UAP1: variants seen among roughly 807,000 people sequenced by gnomAD.
The protein encoded by UAP1 is UDP-N-acetylhexosamine pyrophosphorylase.
A neutral mutation model predicts 58.5 loss-of-function variants in UAP1; 25 were observed. That is an observed-to-expected ratio of 0.43 (90% CI 0.31 to 0.60). UAP1 has a LOEUF of 0.60. Ranked by LOEUF, UAP1 falls within the 20% of genes least tolerant of loss-of-function variation. The probability of loss-of-function intolerance (pLI) is 0.11; values close to 1 mark genes in which losing one functional copy is unlikely to be tolerated. For missense variants in UAP1, 575 were observed against 630.0 expected, an observed-to-expected ratio of 0.91 and a Z score of 0.93; for synonymous variants, 208 against 213.0, an observed-to-expected ratio of 0.98 and a Z score of 0.21.
At chr1:162,576,919 G>A (rs1455029758) in exon 3 of UAP1, 1 of 1,614,132 alleles carries the variant, frequency 6.2e-7, no homozygotes, top group Non-Finnish European at 8.5e-7. Context: ...TTCAAGCAGA[G>A]CGTATCCTGA....
intron 2 of UAP1, among the ~76,000 whole-genome samples, chr1:162,573,523 A>G (rs1181229102): frequency 1.3e-5 from 2 of 152,234 alleles, no homozygotes; most frequent in Non-Finnish European, 2.9e-5. Flanking sequence ...ATGAGGTACA[A>G]TTAAATGCTA....
At chr1:162,571,254 C>T (rs1218709406) in intron 2 of UAP1, among the ~76,000 whole-genome samples, 3 of 151,810 alleles carry the variant, frequency 2.0e-5, no homozygotes, top group African/African-American at 7.3e-5. Context: ...TCAGCCTCCC[C>T]AGTAGCTGAG....
intron 5 of UAP1, among the ~76,000 whole-genome samples, chr1:162,583,886 TG>T (rs2101799952): frequency 6.6e-6 from 1 of 151,178 alleles, no homozygotes; most frequent in East Asian, 2.0e-4. Context: ...GTGATCTACC[TG>T]CTTTGGCCTC....
intron 10 of UAP1, 128 bp downstream of exon 10, chr1:162,597,986 A>T (rs1388624493): frequency 1.2e-5 from 9 of 770,512 alleles, no homozygotes; most frequent in African/African-American, 1.7e-5. Context: ...AGATATGTTA[A>T]TTGGCTTTAT....
chr1:162,591,098 T>C (rs1412087667), intron 8 of UAP1, among the ~76,000 whole-genome samples: 1 of 152,086 alleles, frequency 6.6e-6, no homozygotes, highest in African/African-American at 2.4e-5. Flanking sequence ...AGCTAATTTT[T>C]ATATTTTTAG....
chr1:162,563,358 T>C (rs974124124), intron 1 of UAP1, among the ~76,000 whole-genome samples: 3 of 145,580 alleles, frequency 2.1e-5, no homozygotes, highest in Non-Finnish European at 3.0e-5. Context: ...TGAGGTACCC[T>C]TTTTTTTTTT....
intron 9 of UAP1, 50 bp from the exon 10 acceptor site, chr1:162,597,742 A>T: frequency 6.6e-7 from 1 of 1,521,062 alleles, no homozygotes; most frequent in South Asian, 1.2e-5. Context: ...TTGCTCTGGC[A>T]AGTAACATGG....
intron 3 of UAP1, among the ~76,000 whole-genome samples, chr1:162,579,182 G>A (rs530868141): frequency 8.7e-4 from 133 of 152,276 alleles, no homozygotes; most frequent in African/African-American, 3.1e-3. Flanking sequence ...CTTGAAGGAG[G>A]TGTGTTTAGT....
chr1:162,581,485 G>A (rs1431459495), intron 5 of UAP1, 26 bp downstream of exon 5: 6 of 1,601,864 alleles, frequency 3.7e-6, no homozygotes, highest in Non-Finnish European at 5.1e-6. Context: ...ACTATGGTGA[G>A]GCTTTTGATG....
chr1:162,569,889 C>T (rs1237285076), intron 2 of UAP1, among the ~76,000 whole-genome samples: 2 of 152,078 alleles, frequency 1.3e-5, no homozygotes, highest in African/African-American at 4.8e-5. Flanking sequence ...GTGGCTCATG[C>T]CTGTAATCCC....
At chr1:162,596,324 C>T (rs759978911) in intron 9 of UAP1, among the ~76,000 whole-genome samples, 6 of 151,146 alleles carry the variant, frequency 4.0e-5, no homozygotes, top group Non-Finnish European at 7.4e-5. Flanking sequence ...TACAGGTACG[C>T]GCCACCACAC....
Position 162,599,313 on chromosome 1 carries a change from C to T in UAP1, c.1519C>T (p.Leu507=), listed in dbSNP as rs781214198. 21 of 1,612,632 alleles carry T rather than the reference C, an allele frequency of 1.3e-5. 1 individual carries two copies. In the South Asian group the frequency reaches 2.2e-4, roughly 17 times the overall value. Residue 507 remains leucine (L), a synonymous_variant, in exon 11 of 11, where the codon CTA becomes TTA. Transcript: ENST00000271469. ...GGCAGATAAAGAATTCCATGCACCT[C>T]TAATCATCGATGAGAATGGAGTTCA...
At chr1:162,568,584 A>G (rs1417394322) in intron 2 of UAP1, among the ~76,000 whole-genome samples, 1 of 152,228 alleles carries the variant, frequency 6.6e-6, no homozygotes, top group African/African-American at 2.4e-5. Flanking sequence ...TTTACTTAGG[A>G]TAGGGCTCTG....
intron 2 of UAP1, 31 bp downstream of exon 2, chr1:162,566,379 G>A (rs752865266): frequency 2.5e-6 from 4 of 1,580,780 alleles, no homozygotes; most frequent in Non-Finnish European, 3.4e-6. Context: ...TCTTACTGAA[G>A]TTTATTTGAG....
exon 6 of UAP1, chr1:162,587,603 G>A (rs1312667317): frequency 6.2e-7 from 1 of 1,614,128 alleles, no homozygotes; most frequent in Admixed American, 1.7e-5. Context: ...ACGGACGACT[G>A]CTGTTCAATG....
chr1:162,576,361 C>T (rs778832567), intron 2 of UAP1, among the ~76,000 whole-genome samples: 5 of 152,086 alleles, frequency 3.3e-5, no homozygotes, highest in Admixed American at 2.0e-4. Context: ...TTATATCTCT[C>T]GGTTCTTACC....
chr1:162,579,556 A>T, exon 4 of UAP1: 2 of 1,606,636 alleles, frequency 1.2e-6, no homozygotes, highest in Non-Finnish European at 1.7e-6. Flanking sequence ...ATGAGTTTTG[A>T]TGGGAAAATT....
intron 2 of UAP1, among the ~76,000 whole-genome samples, chr1:162,568,701 G>C (rs1359585134): frequency 1.3e-5 from 2 of 151,984 alleles, no homozygotes; most frequent in Non-Finnish European, 2.9e-5. Flanking sequence ...TTCTTCCCTG[G>C]GTTTCAAAAA....
chr1:162,592,742 A>G (rs1387166081), exon 9 of UAP1: 7 of 1,549,816 alleles, frequency 4.5e-6, no homozygotes, highest in East Asian at 2.4e-5. Context: ...CAGTGCTACA[A>G]ATGGGAAGTC....
Sources: allele counts gnomAD v4.1 joint callset (sites outside exome capture counted in the v4.1 genomes callset), GRCh38; gene constraint gnomAD v4.1.1; transcripts MANE v1.5; gene names NCBI Gene and HGNC (gene_info 2026-07-23, HGNC 2026-07-21).